PTPN13: variants seen among roughly 807,000 people sequenced by gnomAD.
PTPN13 encodes tyrosine-protein phosphatase non-receptor type 13.
Under a neutral mutation model 284.0 loss-of-function variants are expected in PTPN13, and 191 were observed. The ratio of observed to expected loss-of-function variants is 0.67; its 90% CI spans 0.60 to 0.76. PTPN13 has a LOEUF of 0.76. Ranked by LOEUF, PTPN13 falls within the 30% of genes least tolerant of loss-of-function variation. The pLI is 0.00. For synonymous variants in PTPN13, 986 were observed against 1,022.3 expected, an observed-to-expected ratio of 0.96 and a Z score of 0.68; for missense variants, 2,797 against 2,939.9, an observed-to-expected ratio of 0.95 and a Z score of 1.12.
chr4:86,791,287 G>A (rs1028782712), intron 40 of PTPN13, among the ~76,000 whole-genome samples: 4 of 152,192 alleles, frequency 2.6e-5, no homozygotes, highest in Non-Finnish European at 4.4e-5. Flanking sequence ...AGCTTGACCA[G>A]TGGGGGGCAT....
At chr4:86,744,007 A>G (rs1362549236) in intron 16 of PTPN13, among the ~76,000 whole-genome samples, 3 of 152,190 alleles carry the variant, frequency 2.0e-5, no homozygotes, top group African/African-American at 7.2e-5. Context: ...GCCTTACCAT[A>G]TAGGTCACAA....
intron 2 of PTPN13, among the ~76,000 whole-genome samples, chr4:86,652,442 A>G (rs1343444960): frequency 6.6e-6 from 1 of 152,188 alleles, no homozygotes. Context: ...TGTAAGGCAC[A>G]TCTAGTGCTA....
intron 9 of PTPN13, among the ~76,000 whole-genome samples, 175 bp from the exon 10 acceptor site, chr4:86,722,037 A>G (rs1200157304): frequency 6.6e-6 from 1 of 152,040 alleles, no homozygotes; most frequent in Non-Finnish European, 1.5e-5. Flanking sequence ...ATGAGCCACC[A>G]TGCCCAGCCT....
chr4:86,623,275 C>T (rs114976351), intron 1 of PTPN13, among the ~76,000 whole-genome samples: 1,538 of 152,230 alleles, frequency 0.01, 16 homozygotes, highest in Middle Eastern at 0.024. Flanking sequence ...GAGACCAGTT[C>T]ACCTTCTGTG....
chr4:86,705,147 A>G (rs978396344), intron 7 of PTPN13, among the ~76,000 whole-genome samples: 1 of 152,070 alleles, frequency 6.6e-6, no homozygotes, highest in Non-Finnish European at 1.5e-5. Context: ...CATCCTGGCT[A>G]ACACGGTGAA....
chr4:86,746,133 G>A (rs554345520), intron 17 of PTPN13, among the ~76,000 whole-genome samples: 1 of 152,292 alleles, frequency 6.6e-6, no homozygotes, highest in East Asian at 1.9e-4. Context: ...ATGGTCAGGA[G>A]AATGGTTTAT....
intron 1 of PTPN13, among the ~76,000 whole-genome samples, chr4:86,614,067 T>C (rs1246717874): frequency 6.6e-6 from 1 of 152,164 alleles, no homozygotes; most frequent in African/African-American, 2.4e-5. Flanking sequence ...GATACATAGC[T>C]AGGAAAAATA....
chr4:86,706,064 ACTAG>A (rs1264046345), intron 7 of PTPN13, among the ~76,000 whole-genome samples: 1 of 152,126 alleles, frequency 6.6e-6, no homozygotes, highest in Non-Finnish European at 1.5e-5. Flanking sequence ...AACAACATCA[ACTAG>A]CTAACTAGCA....
chr4:86,645,320 C>G (rs1724296281), intron 2 of PTPN13, among the ~76,000 whole-genome samples: 1 of 152,174 alleles, frequency 6.6e-6, no homozygotes, highest in African/African-American at 2.4e-5. Context: ...AGATCAGGAA[C>G]AGGTCAAGGG....
chr4:86,680,973 C>T (rs1316099347), intron 3 of PTPN13, among the ~76,000 whole-genome samples: 1 of 152,102 alleles, frequency 6.6e-6, no homozygotes, highest in Non-Finnish European at 1.5e-5. Flanking sequence ...AAGGAGTGGA[C>T]CTTACTCTCA....
At position 86,751,052 on chromosome 4, in the gene PTPN13, A is replaced by G. The variant is rs765624939; in HGVS notation, c.3094A>G (p.Arg1032Gly). The change falls in exon 19 of 48, where the codon AGA becomes GGA. Residue 1032 changes from arginine to glycine, a missense_variant. Coordinates refer to ENST00000411767, the MANE Select transcript of PTPN13 (RefSeq NM_080683.3). ...TTCAAAGTCTGTTGCGAGTTTAAAT[A>G]GAAGTCCTGAAAGGAGGAAACATGA... is the stretch of plus-strand genomic sequence containing the variant. ...NNSKSVASLN[R>G]SPERRKHESD... is the part of the protein sequence containing the mutation. The G allele has an allele frequency of 6.2e-7, 1 of 1,609,072 alleles. No individual in the cohort carries two copies. The highest frequency in any genetic ancestry group is 1.1e-5 in the South Asian group (1 of 90,786).
At chr4:86,628,203 C>G (rs1451407388) in intron 1 of PTPN13, among the ~76,000 whole-genome samples, 1 of 152,130 alleles carries the variant, frequency 6.6e-6, no homozygotes, top group Non-Finnish European at 1.5e-5. Flanking sequence ...AGTTTCTCTA[C>G]ATCTTTGTCA....
intron 20 of PTPN13, among the ~76,000 whole-genome samples, chr4:86,757,699 G>A (rs1738135183): frequency 6.7e-6 from 1 of 149,732 alleles, no homozygotes; most frequent in Non-Finnish European, 1.5e-5. Flanking sequence ...CAGGAGTCAA[G>A]GCTACAGTGA....
intron 2 of PTPN13, among the ~76,000 whole-genome samples, chr4:86,643,181 A>G (rs899402600): frequency 7.9e-5 from 12 of 152,208 alleles, no homozygotes; most frequent in Non-Finnish European, 7.3e-5. Flanking sequence ...AGTAATTTCA[A>G]TAAACCGTTA....
At chr4:86,701,861 TAAA>T (rs1731204228) in intron 7 of PTPN13, 60 bp downstream of exon 7, 18 of 1,439,014 alleles carry the variant, frequency 1.3e-5, no homozygotes, top group African/African-American at 1.0e-4. Context: ...TTTTTTGAAA[TAAA>T]GAAGGGTTAT....
chr4:86,598,382 C>T (rs1243787182), intron 1 of PTPN13, among the ~76,000 whole-genome samples: 4 of 151,968 alleles, frequency 2.6e-5, no homozygotes, highest in South Asian at 2.1e-4. Context: ...TGACCTCAAG[C>T]GATCGGCCTG....
intron 17 of PTPN13, among the ~76,000 whole-genome samples, chr4:86,749,929 A>G (rs1380349265): frequency 6.6e-6 from 1 of 152,238 alleles, no homozygotes; most frequent in Non-Finnish European, 1.5e-5. Context: ...ATTCAATACC[A>G]TACATTCATC....
intron 3 of PTPN13, among the ~76,000 whole-genome samples, chr4:86,677,565 G>C (rs949941943): frequency 6.6e-6 from 1 of 151,062 alleles, no homozygotes; most frequent in Non-Finnish European, 1.5e-5. Context: ...CATCTGCCTC[G>C]GCCTCCCACA....
intron 10 of PTPN13, among the ~76,000 whole-genome samples, chr4:86,732,092 G>A (rs1028330520): frequency 2.6e-5 from 4 of 151,994 alleles, no homozygotes; most frequent in African/African-American, 9.7e-5. Context: ...GAGTCTATCT[G>A]GATGCCAAAT....
Sources: allele counts gnomAD v4.1 joint callset (sites outside exome capture counted in the v4.1 genomes callset), GRCh38; gene constraint gnomAD v4.1.1; transcripts MANE v1.5; gene names NCBI Gene and HGNC (gene_info 2026-07-23, HGNC 2026-07-21).